ATRNL1: variants seen among roughly 807,000 people sequenced by gnomAD.
ATRNL1 encodes the protein attractin like 1, also known as attractin-like protein 1.
A neutral mutation model predicts 182.7 loss-of-function variants in ATRNL1; 95 were observed. The observed-to-expected ratio is 0.52, with a 90% confidence interval of 0.44 to 0.62. ATRNL1 has a LOEUF of 0.62. ATRNL1 is among the 20% of genes least tolerant of loss of function. The pLI, the probability that ATRNL1 is intolerant of heterozygous loss-of-function variation, is 0.00. For missense variants in ATRNL1, 1,471 were observed against 1,679.5 expected (o/e 0.88, Z 2.17); for synonymous variants, 576 against 568.3 (o/e 1.01, Z -0.19).
At chr10:115,778,998 A>G (rs949896287) in intron 27 of ATRNL1, among the ~76,000 whole-genome samples, 1 of 152,208 alleles carries the variant, frequency 6.6e-6, no homozygotes, top group Admixed American at 6.5e-5. Context: ...CCAATACATG[A>G]TAATAATAAA....
At chr10:115,130,456 G>C (rs1554874880) in intron 5 of ATRNL1, among the ~76,000 whole-genome samples, 1 of 152,038 alleles carries the variant, frequency 6.6e-6, no homozygotes, top group Non-Finnish European at 1.5e-5. Flanking sequence ...GGTATGTTGA[G>C]TACTTACTTA....
chr10:115,611,849 T>C (rs908246890), intron 26 of ATRNL1, among the ~76,000 whole-genome samples: 1 of 152,126 alleles, frequency 6.6e-6, no homozygotes, highest in African/African-American at 2.4e-5. Flanking sequence ...TTTAAAATAG[T>C]GGATATGATT....
intron 28 of ATRNL1, among the ~76,000 whole-genome samples, chr10:115,890,425 A>T (rs1418142109): frequency 2.6e-5 from 4 of 152,146 alleles, no homozygotes; most frequent in African/African-American, 9.7e-5. Flanking sequence ...ATTTTCACCG[A>T]ATCTTTGTTA....
intron 27 of ATRNL1, among the ~76,000 whole-genome samples, chr10:115,828,243 G>A (rs1565415461): frequency 6.6e-6 from 1 of 152,038 alleles, no homozygotes; most frequent in Admixed American, 6.6e-5. Context: ...CTTGAACCTG[G>A]GAGCCAGAGG....
At chr10:115,632,984 C>T (rs187677739) in intron 26 of ATRNL1, among the ~76,000 whole-genome samples, 5 of 151,834 alleles carry the variant, frequency 3.3e-5, no homozygotes, top group East Asian at 1.9e-4. Context: ...CCTCCGCCTC[C>T]CGGATTTAAA....
chr10:115,293,912 G>A (rs1455868697), intron 15 of ATRNL1, among the ~76,000 whole-genome samples: 2 of 152,094 alleles, frequency 1.3e-5, no homozygotes, highest in Admixed American at 1.3e-4. Flanking sequence ...GATTGTTGAT[G>A]ATTTGAGTAT....
chr10:115,697,865 T>C (rs527798239), intron 26 of ATRNL1, among the ~76,000 whole-genome samples: 151 of 152,254 alleles, frequency 9.9e-4, no homozygotes, highest in African/African-American at 3.5e-3. Context: ...GGCTGTCCTT[T>C]CTGTTGTAAA....
At chr10:115,661,518 T>G (rs531024197) in intron 26 of ATRNL1, among the ~76,000 whole-genome samples, 9 of 152,304 alleles carry the variant, frequency 5.9e-5, no homozygotes, top group Admixed American at 5.9e-4. Context: ...ACTCCCTCAA[T>G]GTATAAGTTC....
chr10:115,744,333 A>G (rs150283346), intron 27 of ATRNL1, among the ~76,000 whole-genome samples: 6 of 152,280 alleles, frequency 3.9e-5, no homozygotes, highest in African/African-American at 1.4e-4. Context: ...TCCAGATAGC[A>G]CAAAAGTGCT....
At chr10:115,369,270 T>G (rs1857255814) in intron 19 of ATRNL1, among the ~76,000 whole-genome samples, 1 of 93,102 alleles carries the variant, frequency 1.1e-5, no homozygotes, top group East Asian at 3.7e-4. Context: ...GTGAGGGGGA[T>G]GGGGTAATTC....
rs1450574343 is a variant in ATRNL1, at chr10:115,586,603, A to T, written c.3795+37067A>T. Among the ~76,000 whole-genome samples, 38 of 108,932 alleles carry T rather than the reference A, an allele frequency of 3.5e-4. 4 individuals carry two copies. Among genetic ancestry groups the T allele is most frequent in the African/African-American group, 8.8e-4 (32 of 36,240 alleles). 71.5% of individuals were successfully genotyped at this position (108,932 alleles called of 152,430 possible). A position where few individuals can be genotyped will look rare whatever the true frequency, so the allele number is the denominator to read the frequency against. Reference sequence around the variant, plus strand: ...TTCTCGAGCCTTGGTTTTCAGCTCCATCAGCTCCTTTAAGCACTTCTCTGT... The same window carrying T: ...TTCTCGAGCCTTGGTTTTCAGCTCCTTCAGCTCCTTTAAGCACTTCTCTGT... On this transcript the variant is annotated intron_variant, in intron 26 of 28. Coordinates refer to ENST00000355044, the MANE Select transcript of ATRNL1 (RefSeq NM_207303.4).
At chr10:115,866,170 T>G (rs923525485) in intron 28 of ATRNL1, among the ~76,000 whole-genome samples, 2 of 152,194 alleles carry the variant, frequency 1.3e-5, no homozygotes, top group African/African-American at 4.8e-5. Flanking sequence ...CTTTAGATAA[T>G]TAAGCATCTC....
intron 26 of ATRNL1, among the ~76,000 whole-genome samples, chr10:115,621,658 G>A (rs914456392): frequency 6.6e-6 from 1 of 151,994 alleles, no homozygotes; most frequent in Non-Finnish European, 1.5e-5. Flanking sequence ...GTACAAGAAT[G>A]TGCTATAATA....
chr10:115,877,631 A>G (rs368327465), intron 28 of ATRNL1, among the ~76,000 whole-genome samples: 1 of 152,330 alleles, frequency 6.6e-6, no homozygotes, highest in East Asian at 1.9e-4. Context: ...GGATGAGATT[A>G]TTTTATTTGG....
intron 27 of ATRNL1, among the ~76,000 whole-genome samples, chr10:115,756,529 CTGTT>C (rs1948594146): frequency 6.6e-6 from 1 of 152,018 alleles, no homozygotes. Context: ...GTCTCAGAAA[CTGTT>C]TGTCATGATC....
intron 21 of ATRNL1, among the ~76,000 whole-genome samples, chr10:115,431,443 A>G (rs1484280388): frequency 6.6e-6 from 1 of 151,602 alleles, no homozygotes; most frequent in South Asian, 2.1e-4. Context: ...ATAATATTCC[A>G]ATTTCTTCTT....
intron 18 of ATRNL1, among the ~76,000 whole-genome samples, chr10:115,326,737 T>G (rs1257464577): frequency 6.6e-6 from 1 of 151,828 alleles, no homozygotes; most frequent in Admixed American, 6.6e-5. Context: ...AAAACAGAGA[T>G]ATAGATCAAT....
chr10:115,483,886 C>T (rs1440462668), intron 24 of ATRNL1, among the ~76,000 whole-genome samples: 1 of 151,308 alleles, frequency 6.6e-6, no homozygotes, highest in Non-Finnish European at 1.5e-5. Flanking sequence ...TCATATTTGC[C>T]CATGTTTTTA....
At chr10:115,298,872 A>G (rs1214623531) in intron 15 of ATRNL1, among the ~76,000 whole-genome samples, 1 of 152,028 alleles carries the variant, frequency 6.6e-6, no homozygotes, top group Non-Finnish European at 1.5e-5. Flanking sequence ...AGATATTTAA[A>G]TTTTATCCAA....
Sources: allele counts gnomAD v4.1 joint callset (sites outside exome capture counted in the v4.1 genomes callset), GRCh38; gene constraint gnomAD v4.1.1; transcripts MANE v1.5; gene names NCBI Gene and HGNC (gene_info 2026-07-23, HGNC 2026-07-21).